The following SEZ6L2 variants were observed in gnomAD, a reference collection of about 807,000 sequenced individuals.
The protein encoded by SEZ6L2 is seizure 6-like protein 2.
In SEZ6L2, 44 loss-of-function variants were observed where a neutral mutation model predicts 97.0. The observed-to-expected ratio is 0.45, with a 90% CI of 0.36 to 0.58. SEZ6L2 has a LOEUF of 0.58. Among genes scored for constraint, SEZ6L2 ranks in the 20% least tolerant of loss-of-function variants. The probability of loss-of-function intolerance (pLI) is 0.00; values close to 1 mark genes in which losing one functional copy is unlikely to be tolerated. For synonymous variants in SEZ6L2, 543 were observed against 546.1 expected (o/e 0.99, Z 0.08); for missense variants, 1,086 against 1,233.3 (o/e 0.88, Z 1.79).
At chr16:29,893,324 C>CAAAT (rs746053606) in intron 5 of SEZ6L2, among the ~76,000 whole-genome samples, 158 of 151,406 alleles carry the variant, frequency 1.0e-3, no homozygotes, top group South Asian at 2.5e-3. Context: ...AACTCCATCT[C>CAAAT]AAATAAATAA....
rs1332463803 is a variant in SEZ6L2, at chr16:29,873,043, T to C, written c.2488+197A>G. Among the ~76,000 whole-genome samples the C allele has an allele frequency of 6.6e-6, 1 of 152,178 alleles. No homozygotes were observed. The highest frequency in any genetic ancestry group is 1.9e-4 in the East Asian group (1 of 5,200). On this transcript the variant is annotated intron_variant, in intron 14 of 17. Coordinates refer to ENST00000617533, the MANE Select transcript of SEZ6L2 (RefSeq NM_001243332.2). The surrounding 1 kb of genome is among the most constrained non-coding windows in gnomAD (Gnocchi z 4.3). Reference sequence around the variant, plus strand: ...GGGACTTCCAAGCCAAGGCCCCCTCTACTACACCCCTGAGCCAATCCCATG... The same window carrying C: ...GGGACTTCCAAGCCAAGGCCCCCTCCACTACACCCCTGAGCCAATCCCATG...
Position 29,873,791 on chromosome 16 carries a change from C to T in SEZ6L2, c.2105-62G>A. 7.0e-7 allele frequency: 1 copy of T among 1,420,034 alleles called. No homozygotes were observed. The allele number at this position is 1,420,034 out of a possible 1,614,324, so 88.0% of individuals were successfully genotyped here. On this transcript the variant is annotated intron_variant, in intron 12 of 17. Coordinates refer to ENST00000617533, the MANE Select transcript of SEZ6L2 (RefSeq NM_001243332.2). This position sits in a 1 kb window ranked among gnomAD's most constrained non-coding sequence, Gnocchi z 4.3. ...CCTTCAAAGATCAGCCTGGGCAACA[C>T]AGAGAGACCCCATCTCTACAAAAAA...
At chr16:29,879,777 G>T (rs1161542836) in intron 9 of SEZ6L2, 87 bp downstream of exon 9, 3 of 1,225,392 alleles carry the variant, frequency 2.4e-6, no homozygotes, top group East Asian at 4.8e-5. Context: ...TGGATGTGCA[G>T]CCTTCCTTTC....
chr16:29,888,685 A>T lies in SEZ6L2; in HGVS notation c.894T>A (p.His298Gln), dbSNP rs112713501. 6.2e-7 allele frequency: 1 copy of T among 1,613,682 alleles called. No individual in the cohort carries two copies. The highest frequency in any genetic ancestry group is 1.7e-5 in the Admixed American group (1 of 59,976). The change falls in exon 6 of 18, where the codon CAT (histidine) becomes CAA (glutamine). Residue 298 changes from histidine (H) to glutamine (Q), a missense_variant. Physicochemically the swap from His to Gln is conservative, Grantham distance 24 (BLOSUM62 0). This residue lies in a region of SEZ6L2 where 776 missense variants were observed against 794.7 expected (regional missense o/e 0.98). Coordinates refer to ENST00000617533, the MANE Select transcript of SEZ6L2 (RefSeq NM_001243332.2). ...GCAGGTCCGTCACACTCACGTCCCC[A>T]TGGGCCGGCCGGGGAGGGAAGCCAC... ...LSCGFPPRPA[H>Q]GDVSVTDLHP...
intron 14 of SEZ6L2, 43 bp from the exon 15 acceptor site, chr16:29,872,786 A>G (rs767206353): frequency 3.6e-5 from 29 of 809,596 alleles, no homozygotes; most frequent in South Asian, 1.6e-4. Flanking sequence ...TGAGCCAGGG[A>G]GGGGAGGAGG....
rs1027726781 is a variant in SEZ6L2 at position 29,899,259 on chromosome 16, T to C, written c.-240A>G. On this transcript the variant is annotated 5_prime_UTR_variant, in exon 1 of 18. Coordinates refer to ENST00000617533, the MANE Select transcript of SEZ6L2 (RefSeq NM_001243332.2). The stretch of plus-strand genomic sequence containing the variant: ...CTCCTCTGTCCTCTTCTCGCGGCTC[T>C]GTGGTGGAGGGGGCGCGGCTCCGGC... The C allele has an allele frequency of 1.1e-4, 51 of 460,468 alleles. No homozygotes were observed. Among genetic ancestry groups the C allele is most frequent in the Non-Finnish European group, 1.1e-5 (3 of 261,358 alleles). The allele number at this position is 460,468 out of a possible 1,614,324, so 28.5% of individuals were successfully genotyped here. A position where few individuals can be genotyped will look rare whatever the true frequency, so the allele number is the denominator to read the frequency against.
chr16:29,897,270 AC>A, intron 2 of SEZ6L2, 149 bp from the exon 3 acceptor site: 7 of 502,030 alleles, frequency 1.4e-5, no homozygotes, highest in Non-Finnish European at 1.8e-5. Context: ...TCCCTTCCCC[AC>A]CCCAGCCCCT....
chr16:29,871,882 C>T (rs887441376), intron 17 of SEZ6L2, among the ~76,000 whole-genome samples, 154 bp from the exon 18 acceptor site: 1 of 152,034 alleles, frequency 6.6e-6, no homozygotes, highest in Non-Finnish European at 1.5e-5. Context: ...CCTACGGTGT[C>T]GTAAAATGAC....
rs368313638 is a variant in SEZ6L2 at position 29,896,836 on chromosome 16, G to A, written c.497C>T (p.Thr166Met). 1.8e-5 allele frequency: 29 copies of A among 1,613,850 alleles called. No homozygotes were observed. The highest frequency in any genetic ancestry group is 2.4e-5 in the Non-Finnish European group (28 of 1,179,940). Residue 166 changes from threonine to methionine, a missense_variant, in exon 3 of 18, where the codon ACG becomes ATG. By Grantham distance (81) the Thr-to-Met change is moderately conservative (BLOSUM62 -1). Coordinates refer to ENST00000617533, the MANE Select transcript of SEZ6L2 (RefSeq NM_001243332.2). ...TIITTTTVTTTVTSPVLCNNN... is the reference protein window; with the variant it reads ...TIITTTTVTTMVTSPVLCNNN... ...TGTCGCCTCACCTGGGCTGGTCACC[G>A]TAGTGGTAACAGTTGTCGTGGTGAT...
At chr16:29,871,982 T>C (rs1227676120) in intron 17 of SEZ6L2, among the ~76,000 whole-genome samples, 1 of 152,124 alleles carries the variant, frequency 6.6e-6, no homozygotes. Context: ...GCCGTATTCT[T>C]GAGATGGGGC....
chr16:29,884,485 G>T (rs903850986), intron 8 of SEZ6L2, among the ~76,000 whole-genome samples: 1 of 151,828 alleles, frequency 6.6e-6, no homozygotes, highest in Non-Finnish European at 1.5e-5. Flanking sequence ...CCAGCTACTC[G>T]GGAGGCTAAG....
At position 29,888,543 on chromosome 16, in the gene SEZ6L2, T is replaced by C. The variant is rs370496493; in HGVS notation, c.1036A>G (p.Met346Val). The C allele has an allele frequency of 4.5e-5, 73 of 1,613,136 alleles. No homozygotes were observed. The highest frequency in any genetic ancestry group is 5.5e-5 in the Non-Finnish European group (65 of 1,179,590). ...CCCACTGTGGCAGGAGACTCACCCA[T>C]GCAGCTGGGGGTTTCACCGTTCCAG... ...PSWNGETPSC[M>V]ASCGGTIHNA... The change falls in exon 6 of 18, where the codon ATG (methionine) becomes GTG (valine). Residue 346 changes from methionine to valine, a missense_variant. By Grantham distance (21) the Met-to-Val change is conservative. Transcript: ENST00000617533.
At chr16:29,889,439 CA>C (rs537220811) in intron 5 of SEZ6L2, among the ~76,000 whole-genome samples, 58 of 140,542 alleles carry the variant, frequency 4.1e-4, no homozygotes, top group Admixed American at 7.9e-4. Context: ...AACTCTGTCT[CA>C]AAAAAAAAAA....
At position 29,878,354 on chromosome 16, in the gene SEZ6L2, G is replaced by A; in HGVS notation, c.1645C>T (p.Pro549Ser). The A allele has an allele frequency of 9.3e-6, 15 of 1,607,180 alleles. No individual in the cohort carries two copies. Among genetic ancestry groups the A allele is most frequent in the Non-Finnish European group, 1.3e-5 (15 of 1,176,482 alleles). ...ACGCCCCACACGCAGTCTTGGCCCG[G>A]GCTATAGCTCTGGGGCCAGTCGGGA... ...LSPDWPQSYS[P>S]GQDCVWGVHV... Residue 549 changes from proline (P) to serine (S), a missense_variant, in exon 10 of 18, where the codon CCG becomes TCG. Transcript: ENST00000617533.
At chr16:29,874,468 T>A (rs1322002303) in intron 12 of SEZ6L2, among the ~76,000 whole-genome samples, 1 of 149,594 alleles carries the variant, frequency 6.7e-6, no homozygotes, top group Non-Finnish European at 1.5e-5. Context: ...ATCATAATCA[T>A]AGCCATTTCT....
chr16:29,883,320 T>C (rs2068066764), intron 8 of SEZ6L2, among the ~76,000 whole-genome samples: 1 of 151,986 alleles, frequency 6.6e-6, no homozygotes. Flanking sequence ...TTTTCTTCTT[T>C]TTTTTTGACA....
In SEZ6L2 at chr16:29,871,435, T is replaced by C; in HGVS notation, c.*264A>G. 2 of 569,744 alleles carry C rather than the reference T, an allele frequency of 3.5e-6. No homozygotes were observed. The highest frequency in any genetic ancestry group is 3.0e-5 in the Admixed American group (1 of 33,160). The allele number at this position is 569,744 out of a possible 1,614,324, so 35.3% of individuals were successfully genotyped here. A position where few individuals can be genotyped will look rare whatever the true frequency, so the allele number is the denominator to read the frequency against. On this transcript the variant is annotated 3_prime_UTR_variant, in exon 18 of 18. Coordinates refer to ENST00000617533, the MANE Select transcript of SEZ6L2 (RefSeq NM_001243332.2). ...CTGCAAGATTTGCAGGGAGGCAGAG[T>C]TCCCCTCCCAGAATCCAAAAGCCGG...
At chr16:29,879,626 C>T (rs895959178) in intron 9 of SEZ6L2, among the ~76,000 whole-genome samples, 1 of 152,208 alleles carries the variant, frequency 6.6e-6, no homozygotes, top group Non-Finnish European at 1.5e-5. Flanking sequence ...CAATCTGTGA[C>T]TTAACCCAAC....
At chr16:29,872,140 C>A in intron 17 of SEZ6L2, 47 bp downstream of exon 17, 1 of 1,458,424 alleles carries the variant, frequency 6.9e-7, no homozygotes, top group South Asian at 1.3e-5. Context: ...TTATGGAGTC[C>A]TGGGAGAGCC....
Sources: allele counts gnomAD v4.1 joint callset (sites outside exome capture counted in the v4.1 genomes callset), GRCh38; gene constraint gnomAD v4.1.1; regional missense constraint gnomAD v4.1.1; non-coding constraint Gnocchi (gnomAD v3.1); transcripts MANE v1.5; gene names NCBI Gene and HGNC (gene_info 2026-07-23, HGNC 2026-07-21).